Variants in PPP2R5E observed in about 807,000 individuals in gnomAD.
PPP2R5E encodes protein phosphatase 2 regulatory subunit B'epsilon, also known as serine/threonine-protein phosphatase 2A 56 kDa regulatory subunit epsilon isoform.
PPP2R5E carries 4 observed loss-of-function variants against 65.3 expected under a neutral mutation model. The ratio of observed to expected loss-of-function variants is 0.06; its 90% CI spans 0.03 to 0.14. The LOEUF is 0.14. PPP2R5E is among the 10% of genes least tolerant of loss of function. PPP2R5E has a pLI of 1.00. For synonymous variants in PPP2R5E, 183 were observed against 187.4 expected, an observed-to-expected ratio of 0.98 and a Z score of 0.19; for missense variants, 274 against 556.1, an observed-to-expected ratio of 0.49 and a Z score of 5.10.
intron 10 of PPP2R5E, among the ~76,000 whole-genome samples, chr14:63,390,717 T>C (rs1015685118): frequency 1.3e-5 from 2 of 152,206 alleles, no homozygotes; most frequent in Non-Finnish European, 2.9e-5. Flanking sequence ...TAAAATATAG[T>C]AGACCCTTGC....
At chr14:63,402,785 G>A (rs1205435722) in intron 5 of PPP2R5E, among the ~76,000 whole-genome samples, 3 of 151,946 alleles carry the variant, frequency 2.0e-5, no homozygotes, top group African/African-American at 7.3e-5. Flanking sequence ...AATCCAGAAA[G>A]ACATGGAGAC....
chr14:63,484,707 T>C (rs1890896363), intron 2 of PPP2R5E, among the ~76,000 whole-genome samples: 1 of 152,238 alleles, frequency 6.6e-6, no homozygotes, highest in African/African-American at 2.4e-5. Context: ...AGGCCAGGTA[T>C]ATTTTCAAAG....
chr14:63,510,731 T>C (rs1456179632), intron 2 of PPP2R5E, among the ~76,000 whole-genome samples: 1 of 152,242 alleles, frequency 6.6e-6, no homozygotes, highest in Non-Finnish European at 1.5e-5. Flanking sequence ...CATGTAAAGT[T>C]TTGTAACCTC....
intron 2 of PPP2R5E, among the ~76,000 whole-genome samples, chr14:63,530,600 G>A (rs1893380621): frequency 1.4e-5 from 2 of 143,032 alleles, no homozygotes; most frequent in Admixed American, 1.4e-4. Flanking sequence ...TTTAAGTGAT[G>A]AATATATCAG....
At position 63,509,645 on chromosome 14, in the gene PPP2R5E, T is replaced by A. The variant is rs561940451; in HGVS notation, c.157+29884A>T. Among the ~76,000 whole-genome samples the A allele has an allele frequency of 2.0e-4, 30 of 152,276 alleles. No individual in the cohort carries two copies. In the South Asian group the frequency reaches 5.6e-3, roughly 28 times the overall value. On this transcript the variant is annotated intron_variant, in intron 2 of 13. Coordinates refer to ENST00000337537, the MANE Select transcript of PPP2R5E (RefSeq NM_006246.5). ...CTGCCCCTCCTCCTACTCATTCTCA[T>A]CTCATCTCATTATTCCAAATGTTAG...
chr14:63,522,040 C>T (rs1594967841), intron 2 of PPP2R5E, among the ~76,000 whole-genome samples: 1 of 150,378 alleles, frequency 6.6e-6, no homozygotes, highest in African/African-American at 2.4e-5. Context: ...CTGCAACCTC[C>T]CTGCCTGATT....
chr14:63,477,703 A>C (rs1594919617), intron 2 of PPP2R5E, among the ~76,000 whole-genome samples: 2 of 152,114 alleles, frequency 1.3e-5, no homozygotes, highest in South Asian at 4.1e-4. Context: ...GGCAGCCATA[A>C]GGTTAAGGTT....
intron 2 of PPP2R5E, among the ~76,000 whole-genome samples, chr14:63,520,324 C>T (rs1042717683): frequency 5.3e-5 from 8 of 152,122 alleles, no homozygotes; most frequent in African/African-American, 1.9e-4. Flanking sequence ...TGTGAGCCAC[C>T]GCGCCCAGCC....
rs28366791 is a variant in PPP2R5E, at chr14:63,375,517, T to C, written c.*492A>G. 0.17 allele frequency: 26,206 copies of C among 152,586 alleles called. 3,375 individuals carry two copies. The highest frequency in any genetic ancestry group is 0.48 in the East Asian group (2,487 of 5,166). 9.5% of individuals were successfully genotyped at this position (152,586 alleles called of 1,614,324 possible). A position where few individuals can be genotyped will look rare whatever the true frequency, so the allele number is the denominator to read the frequency against. Reference sequence around the variant, plus strand: ...GAAGATGTGCAAAAGAAAAAGATGTTAAATTACAGTCAAGTTATCCAGAGG... The same window carrying C: ...GAAGATGTGCAAAAGAAAAAGATGTCAAATTACAGTCAAGTTATCCAGAGG... On this transcript the variant is annotated 3_prime_UTR_variant, in exon 14 of 14. Transcript: ENST00000337537.
intron 2 of PPP2R5E, among the ~76,000 whole-genome samples, chr14:63,533,618 C>T (rs754621613): frequency 2.6e-5 from 4 of 151,058 alleles, no homozygotes; most frequent in Non-Finnish European, 5.9e-5. Context: ...TGCAAAATGC[C>T]TCGGAAATGT....
intron 13 of PPP2R5E, among the ~76,000 whole-genome samples, chr14:63,381,621 A>C (rs1005506614): frequency 2.0e-5 from 3 of 152,240 alleles, no homozygotes; most frequent in Admixed American, 2.0e-4. Flanking sequence ...AGTGTGCAAA[A>C]ATGAATATAT....
intron 2 of PPP2R5E, among the ~76,000 whole-genome samples, chr14:63,467,251 A>AAAAAAAC (rs1566724791): frequency 1.3e-5 from 2 of 150,724 alleles, no homozygotes; most frequent in African/African-American, 2.5e-5. Context: ...AACAAAAAAA[A>AAAAAAAC]CACTATTTAC....
chr14:63,513,011 AAACAAC>A (rs1200211973), intron 2 of PPP2R5E, among the ~76,000 whole-genome samples: 2 of 152,072 alleles, frequency 1.3e-5, no homozygotes, highest in Non-Finnish European at 2.9e-5. Context: ...CCCACCAAGA[AAACAAC>A]AACAACAACA....
At chr14:63,400,191 G>C (rs924053101) in intron 5 of PPP2R5E, among the ~76,000 whole-genome samples, 2 of 152,192 alleles carry the variant, frequency 1.3e-5, no homozygotes, top group African/African-American at 4.8e-5. Context: ...GCCAGTGGGC[G>C]AGCTGTCAGG....
chr14:63,449,978 C>A (rs1481768717), intron 3 of PPP2R5E, among the ~76,000 whole-genome samples: 1 of 149,048 alleles, frequency 6.7e-6, no homozygotes, highest in Admixed American at 6.7e-5. Context: ...CAGGTTCAAG[C>A]GATTCTCTTG....
intron 2 of PPP2R5E, among the ~76,000 whole-genome samples, chr14:63,536,545 C>G (rs986232279): frequency 1.3e-5 from 2 of 152,094 alleles, no homozygotes; most frequent in Non-Finnish European, 2.9e-5. Flanking sequence ...GAAATGAAAG[C>G]CAGAACTTAA....
chr14:63,413,187 A>G (rs571725194), intron 5 of PPP2R5E, among the ~76,000 whole-genome samples: 1 of 152,346 alleles, frequency 6.6e-6, no homozygotes, highest in African/African-American at 2.4e-5. Flanking sequence ...CATTATCTTC[A>G]GTACTGTCTA....
chr14:63,454,834 C>T (rs1441668703), intron 2 of PPP2R5E, among the ~76,000 whole-genome samples: 1 of 152,206 alleles, frequency 6.6e-6, no homozygotes, highest in East Asian at 1.9e-4. Flanking sequence ...GCTCTACTGC[C>T]TTCATCCAAG....
In PPP2R5E at chr14:63,373,432, C is replaced by T. The variant is rs536817507; in HGVS notation, c.*2577G>A. The stretch of plus-strand genomic sequence containing the variant: ...TCCTGAAATATGTCACATAGTGCAA[C>T]AGTCAGATTACCTCAGTTACTCTGC... On this transcript the variant is annotated 3_prime_UTR_variant, in exon 14 of 14. Transcript: ENST00000337537. The T allele has an allele frequency of 6.6e-5, 10 of 152,308 alleles. No homozygotes were observed. Among genetic ancestry groups the T allele is most frequent in the African/African-American group, 1.7e-4 (7 of 41,568 alleles). 9.4% of individuals were successfully genotyped at this position (152,308 alleles called of 1,614,324 possible).
Sources: gnomAD v4.1 joint callset for allele counts (sites outside exome capture counted in the v4.1 genomes callset) on GRCh38, gnomAD v4.1.1 for gene constraint, MANE v1.5 for transcripts, NCBI Gene and HGNC (gene_info 2026-07-23, HGNC 2026-07-21) for gene names.